The following LAMA2 variants were observed in gnomAD, a reference collection of about 807,000 sequenced individuals.
LAMA2 encodes the protein laminin subunit alpha-2.
Under a neutral mutation model 364.8 loss-of-function variants are expected in LAMA2, and 269 were observed. The observed-to-expected ratio is 0.74, with a 90% CI of 0.67 to 0.82. The LOEUF (loss-of-function observed/expected upper bound fraction) is 0.82. Ranked by LOEUF, LAMA2 falls within the 40% of genes least tolerant of loss-of-function variation. The pLI is 0.00. For missense variants in LAMA2, 3,807 were observed against 3,873.2 expected (o/e 0.98, Z 0.45); for synonymous variants, 1,379 against 1,370.6 (o/e 1.01, Z -0.14).
chr6:128,924,414 A>T (rs1305650451), intron 1 of LAMA2, among the ~76,000 whole-genome samples: 2 of 152,184 alleles, frequency 1.3e-5, no homozygotes, highest in East Asian at 3.9e-4. Context: ...ATAAAGGAGA[A>T]AGAGGAAGAG....
At chr6:129,326,402 A>C (rs1271825412) in intron 28 of LAMA2, among the ~76,000 whole-genome samples, 1 of 152,152 alleles carries the variant, frequency 6.6e-6, no homozygotes, top group Non-Finnish European at 1.5e-5. Context: ...GCGTTAGAGT[A>C]GACTTCACCT....
At chr6:129,218,593 C>T (rs1783580062) in intron 12 of LAMA2, among the ~76,000 whole-genome samples, 1 of 152,104 alleles carries the variant, frequency 6.6e-6, no homozygotes, top group Admixed American at 6.5e-5. Context: ...ATGCCTGATA[C>T]AATTCTGTAC....
At chr6:128,981,496 A>T (rs1351802248) in intron 1 of LAMA2, among the ~76,000 whole-genome samples, 3 of 150,864 alleles carry the variant, frequency 2.0e-5, no homozygotes, top group Admixed American at 6.6e-5. Context: ...TAATCCCAGC[A>T]CTTTGGGAGG....
intron 35 of LAMA2, among the ~76,000 whole-genome samples, chr6:129,384,283 G>T (rs1295235272): frequency 1.3e-5 from 2 of 152,152 alleles, no homozygotes; most frequent in Non-Finnish European, 2.9e-5. Flanking sequence ...GCTACTTGAA[G>T]TGTCCCCCTC....
chr6:129,267,030 A>G, intron 15 of LAMA2, 76 bp from the exon 16 acceptor site: 1 of 934,036 alleles, frequency 1.1e-6, no homozygotes, highest in South Asian at 1.3e-5. Flanking sequence ...CTGTTATCAG[A>G]AAACAAACAC....
intron 45 of LAMA2, among the ~76,000 whole-genome samples, chr6:129,448,279 T>C (rs1475631284): frequency 1.4e-5 from 2 of 144,458 alleles, no homozygotes; most frequent in South Asian, 2.2e-4. Flanking sequence ...AGAAACCCTG[T>C]CCCCCCCCAA....
intron 4 of LAMA2, among the ~76,000 whole-genome samples, chr6:129,103,698 A>G (rs1173106018): frequency 6.6e-6 from 1 of 152,144 alleles, no homozygotes; most frequent in East Asian, 1.9e-4. Context: ...CAGAGGAAAC[A>G]GTTTCTCATT....
chr6:129,319,819 A>G, intron 27 of LAMA2, among the ~76,000 whole-genome samples: 1 of 152,280 alleles, frequency 6.6e-6, no homozygotes, highest in East Asian at 1.9e-4. Context: ...AGTGAGCTAG[A>G]GAAAAGAAAA....
intron 12 of LAMA2, among the ~76,000 whole-genome samples, chr6:129,225,704 T>C (rs1784207131): frequency 6.6e-6 from 1 of 152,190 alleles, no homozygotes. Flanking sequence ...AGAGACAGTT[T>C]GTTATAATTT....
chr6:129,023,041 C>A (rs537214780), intron 1 of LAMA2, among the ~76,000 whole-genome samples: 2 of 152,206 alleles, frequency 1.3e-5, no homozygotes, highest in East Asian at 3.9e-4. Context: ...ATTTCACTTG[C>A]TTCTTGCTTT....
intron 12 of LAMA2, among the ~76,000 whole-genome samples, chr6:129,196,745 G>T (rs550812892): frequency 5.3e-5 from 8 of 152,222 alleles, no homozygotes; most frequent in Admixed American, 5.2e-4. Context: ...AAAGTAAATA[G>T]GATAAATCAA....
At chr6:129,193,340 C>T (rs905567695) in intron 12 of LAMA2, among the ~76,000 whole-genome samples, 4 of 152,204 alleles carry the variant, frequency 2.6e-5, no homozygotes, top group African/African-American at 2.4e-5. Context: ...TAAATGCTTG[C>T]CATGAGGCTT....
chr6:129,011,717 C>A (rs12197539), intron 1 of LAMA2, among the ~76,000 whole-genome samples: 3 of 151,976 alleles, frequency 2.0e-5, no homozygotes, highest in Non-Finnish European at 4.4e-5. Flanking sequence ...CTGTTTACTC[C>A]GGACTTTCAG....
chr6:129,046,327 A>C (rs1787494701), intron 1 of LAMA2, among the ~76,000 whole-genome samples: 1 of 152,230 alleles, frequency 6.6e-6, no homozygotes, highest in Non-Finnish European at 1.5e-5. Context: ...AGAGAAAAAT[A>C]GGTTTAATAG....
intron 15 of LAMA2, among the ~76,000 whole-genome samples, chr6:129,261,946 T>A (rs897482763): frequency 6.6e-6 from 1 of 152,156 alleles, no homozygotes; most frequent in African/African-American, 2.4e-5. Context: ...ATGTATTTGA[T>A]GAAACAAGAG....
At chr6:129,046,246 T>C (rs928299006) in intron 1 of LAMA2, among the ~76,000 whole-genome samples, 23 of 152,230 alleles carry the variant, frequency 1.5e-4, no homozygotes, top group Non-Finnish European at 1.5e-5. Context: ...TATGTTAATA[T>C]GTAAGTGCAC....
At chr6:129,146,169 G>C (rs867149495) in intron 5 of LAMA2, among the ~76,000 whole-genome samples, 9 of 151,774 alleles carry the variant, frequency 5.9e-5, no homozygotes, top group African/African-American at 1.9e-4. Context: ...TTTTTTTTGT[G>C]TGTGTGTATA....
At position 129,258,012 on chromosome 6, in the gene LAMA2, A is replaced by G. The variant is rs149118283; in HGVS notation, c.2097-2699A>G. 2.7e-3 allele frequency among the ~76,000 whole-genome samples: 409 copies of G among 152,178 alleles called. 6 individuals carry two copies. Among genetic ancestry groups the G allele is most frequent in the Admixed American group, 0.024 (372 of 15,262 alleles). ...TACTTTTGTATACATTTATCTGTCTATCTACCCATCCGTCCACCCATCCAT... is the reference window on the plus strand; with the variant it reads ...TACTTTTGTATACATTTATCTGTCTGTCTACCCATCCGTCCACCCATCCAT... On this transcript the variant is annotated intron_variant, in intron 14 of 64. Coordinates refer to ENST00000421865, the MANE Select transcript of LAMA2 (RefSeq NM_000426.4).
chr6:128,909,273 G>A (rs1777718356), intron 1 of LAMA2, among the ~76,000 whole-genome samples: 2 of 152,078 alleles, frequency 1.3e-5, no homozygotes, highest in South Asian at 2.1e-4. Context: ...GGGAGTCTAA[G>A]TCTCTTTGTA....
Sources: allele counts gnomAD v4.1 joint callset (sites outside exome capture counted in the v4.1 genomes callset), GRCh38; gene constraint gnomAD v4.1.1; transcripts MANE v1.5; gene names NCBI Gene and HGNC (gene_info 2026-07-23, HGNC 2026-07-21).